LDB2: variants seen among roughly 807,000 people sequenced by gnomAD.
LDB2 encodes LIM domain binding 2.
A neutral mutation model predicts 44.3 loss-of-function variants in LDB2; 12 were observed. The ratio of observed to expected loss-of-function variants is 0.27; its 90% CI spans 0.17 to 0.44. The LOEUF is 0.44. Among genes scored for constraint, LDB2 ranks in the 20% least tolerant of loss-of-function variants. LDB2 has a pLI of 1.00. For synonymous variants in LDB2, 164 were observed against 174.8 expected (o/e 0.94, Z 0.49); for missense variants, 344 against 473.5 (o/e 0.73, Z 2.54).
At chr4:16,691,662 A>T (rs1342977497) in intron 2 of LDB2, among the ~76,000 whole-genome samples, 1 of 152,204 alleles carries the variant, frequency 6.6e-6, no homozygotes, top group Admixed American at 6.5e-5. Context: ...CTCAACTTGG[A>T]CTATTAGCTT....
intron 1 of LDB2, among the ~76,000 whole-genome samples, chr4:16,852,373 C>T (rs990049958): frequency 3.0e-4 from 45 of 152,164 alleles, no homozygotes; most frequent in Admixed American, 2.7e-3. Context: ...CAGGATGGAT[C>T]TTTCTTTTCC....
chr4:16,782,496 G>A (rs1579617489), intron 1 of LDB2, among the ~76,000 whole-genome samples: 1 of 151,976 alleles, frequency 6.6e-6, no homozygotes, highest in African/African-American at 2.4e-5. Flanking sequence ...TATTACAGGT[G>A]TGTGCCACCA....
rs540856097 is a variant in LDB2, at chr4:16,793,240, C to A, written c.133-33980G>T. Among the ~76,000 whole-genome samples, 10 of 151,990 alleles carry A rather than the reference C, an allele frequency of 6.6e-5. No individual in the cohort carries two copies. The South Asian group carries it at 1.9e-3, about 28-fold the overall frequency. On this transcript the variant is annotated intron_variant, in intron 1 of 7. Transcript: ENST00000304523. ...CAAGCTTTTGTGCCCTTTTTTTGGT[C>A]CTTATCGTTTAGGAGATTATATGCA...
At chr4:16,564,908 C>T (rs971463850) in intron 5 of LDB2, among the ~76,000 whole-genome samples, 12 of 152,082 alleles carry the variant, frequency 7.9e-5, no homozygotes, top group Non-Finnish European at 1.8e-4. Context: ...TCATGAGGCT[C>T]GGATATTAGT....
rs533129566 is a variant in LDB2, at chr4:16,655,077, G to A, written c.236-59202C>T. On this transcript the variant is annotated intron_variant, in intron 2 of 7. Coordinates refer to ENST00000304523, the MANE Select transcript of LDB2 (RefSeq NM_001290.5). ...TTTTGCCCGATCTGAAATTGCACTCGGCAGGAAGAAGCACTTCTCCCCATG... is the reference window on the plus strand; with the variant it reads ...TTTTGCCCGATCTGAAATTGCACTCAGCAGGAAGAAGCACTTCTCCCCATG... 2.0e-5 allele frequency among the ~76,000 whole-genome samples: 3 copies of A among 152,216 alleles called. No homozygotes were observed. In the South Asian group the frequency reaches 6.2e-4, roughly 32 times the overall value.
At position 16,765,749 on chromosome 4, in the gene LDB2, G is replaced by A. The variant is rs1001352876; in HGVS notation, c.133-6489C>T. On this transcript the variant is annotated intron_variant, in intron 1 of 7. Transcript: ENST00000304523. ...GTGGCTAGGGGCCAAGACAGTGTTC[G>A]AGAGAAGTCTTCTCTCTGTCACATC... 5.3e-5 allele frequency among the ~76,000 whole-genome samples: 8 copies of A among 152,298 alleles called. No individual in the cohort carries two copies. The East Asian group carries it at 1.5e-3, about 29-fold the overall frequency.
intron 3 of LDB2, among the ~76,000 whole-genome samples, chr4:16,594,185 C>T (rs1446603521): frequency 1.3e-5 from 2 of 150,666 alleles, no homozygotes. Flanking sequence ...AAAAAAAAAC[C>T]AATAATGAAG....
rs763460653 is a variant in LDB2 at position 16,587,682 on chromosome 4, G to A, written c.531+1028C>T. Among the ~76,000 whole-genome samples the A allele has an allele frequency of 1.1e-4, 16 of 152,236 alleles. No homozygotes were observed. In the South Asian group the frequency reaches 1.7e-3, roughly 16 times the overall value. On this transcript the variant is annotated intron_variant, in intron 4 of 7. Coordinates refer to ENST00000304523, the MANE Select transcript of LDB2 (RefSeq NM_001290.5). ...GAAAGAGGTGGCTGACAACTAATGCGTGGAGAAATAGCCAGGAGTGGGACA... is the reference window on the plus strand; with the variant it reads ...GAAAGAGGTGGCTGACAACTAATGCATGGAGAAATAGCCAGGAGTGGGACA...
intron 5 of LDB2, among the ~76,000 whole-genome samples, chr4:16,512,983 T>A (rs1337552005): frequency 6.6e-6 from 1 of 152,262 alleles, no homozygotes; most frequent in Non-Finnish European, 1.5e-5. Flanking sequence ...GACCACAATT[T>A]GGAATTGCAC....
chr4:16,897,783 G>A (rs1435010771), intron 1 of LDB2, among the ~76,000 whole-genome samples: 1 of 151,566 alleles, frequency 6.6e-6, no homozygotes, highest in African/African-American at 2.4e-5. Flanking sequence ...TCCAGGGCTA[G>A]TTCTGAGAAG....
At chr4:16,508,079 G>T (rs1045553689) in intron 7 of LDB2, among the ~76,000 whole-genome samples, 1 of 150,166 alleles carries the variant, frequency 6.7e-6, no homozygotes, top group African/African-American at 2.4e-5. Context: ...TTAATTACCT[G>T]AGTCTTAAAA....
chr4:16,611,779 C>G (rs1178997729), intron 2 of LDB2, among the ~76,000 whole-genome samples: 3 of 152,154 alleles, frequency 2.0e-5, no homozygotes, highest in Admixed American at 6.5e-5. Context: ...ACTTTAACAC[C>G]CCACTGTCAG....
intron 5 of LDB2, among the ~76,000 whole-genome samples, chr4:16,572,304 T>C (rs1577867949): frequency 6.6e-6 from 1 of 152,222 alleles, no homozygotes; most frequent in South Asian, 2.1e-4. Context: ...GAGCTCCATC[T>C]GCACTTAACT....
chr4:16,895,364 G>A (rs1002602234), intron 1 of LDB2, among the ~76,000 whole-genome samples: 1 of 152,064 alleles, frequency 6.6e-6, no homozygotes, highest in African/African-American at 2.4e-5. Flanking sequence ...AAGGAGAGTA[G>A]GTAAACATCA....
At chr4:16,623,972 T>C (rs958350559) in intron 2 of LDB2, among the ~76,000 whole-genome samples, 1 of 152,192 alleles carries the variant, frequency 6.6e-6, no homozygotes. Flanking sequence ...AACTACAATA[T>C]GCTGTTCGCA....
At chr4:16,874,091 C>T (rs112992752) in intron 1 of LDB2, among the ~76,000 whole-genome samples, 36 of 152,068 alleles carry the variant, frequency 2.4e-4, no homozygotes, top group African/African-American at 8.4e-4. Context: ...TTGACTGTTA[C>T]GAACAATGAT....
At chr4:16,859,448 C>T (rs1711733661) in intron 1 of LDB2, among the ~76,000 whole-genome samples, 1 of 152,204 alleles carries the variant, frequency 6.6e-6, no homozygotes, top group East Asian at 1.9e-4. Context: ...AATACTGAAG[C>T]TGCTACAATA....
rs528839938 is a variant in LDB2 at position 16,770,901 on chromosome 4, G to A, written c.133-11641C>T. On this transcript the variant is annotated intron_variant, in intron 1 of 7. Transcript: ENST00000304523. ...TGACAGCTCTGTGGCAGTGAGCACC[G>A]CGCATCGTATTACATCACACCATCT... Among the ~76,000 whole-genome samples, 67 of 152,196 alleles carry A rather than the reference G, an allele frequency of 4.4e-4. 1 individual carries two copies. The highest frequency in any genetic ancestry group is 1.5e-3 in the African/African-American group (63 of 41,528).
At chr4:16,715,659 G>A (rs1361623978) in intron 2 of LDB2, among the ~76,000 whole-genome samples, 1 of 152,016 alleles carries the variant, frequency 6.6e-6, no homozygotes, top group Non-Finnish European at 1.5e-5. Flanking sequence ...TTCACATATT[G>A]CCACATGGAT....
Sources: gnomAD v4.1 joint callset for allele counts (sites outside exome capture counted in the v4.1 genomes callset) on GRCh38, gnomAD v4.1.1 for gene constraint, MANE v1.5 for transcripts, NCBI Gene and HGNC (gene_info 2026-07-23, HGNC 2026-07-21) for gene names.